The following GRM7 variants were observed in gnomAD, a reference collection of about 807,000 sequenced individuals.
The protein encoded by GRM7 is metabotropic glutamate receptor 7.
In GRM7, 35 loss-of-function variants were observed where a neutral mutation model predicts 84.5. The ratio of observed to expected loss-of-function variants is 0.41; its 90% CI spans 0.32 to 0.55. The LOEUF is 0.55. Among genes scored for constraint, GRM7 ranks in the 20% least tolerant of loss-of-function variants. The pLI is 0.19. For missense variants in GRM7, 1,003 were observed against 1,194.6 expected (o/e 0.84, Z 2.36); for synonymous variants, 487 against 455.1 (o/e 1.07, Z -0.89).
intron 7 of GRM7, among the ~76,000 whole-genome samples, chr3:7,504,411 A>T (rs1483966348): frequency 1.1e-4 from 16 of 152,226 alleles, no homozygotes; most frequent in Non-Finnish European, 1.5e-5. Flanking sequence ...ATCTTAGAGT[A>T]ATTCCTCTAT....
At chr3:7,681,862 C>CAAAATACTATATTGAG (rs1700381514) in intron 9 of GRM7, 1 of 152,162 alleles carries the variant, frequency 6.6e-6, no homozygotes, top group Admixed American at 6.5e-5. Flanking sequence ...AAGTGTATCA[C>CAAAATACTATATTGAG]AAAATACTAT....
chr3:7,567,593 A>G (rs1329295975), intron 7 of GRM7, among the ~76,000 whole-genome samples: 3 of 151,770 alleles, frequency 2.0e-5, no homozygotes, highest in African/African-American at 7.3e-5. Context: ...CTAAAAATAC[A>G]AAAATTAGCT....
chr3:7,041,161 A>T (rs1036026158), intron 1 of GRM7, among the ~76,000 whole-genome samples: 1 of 152,180 alleles, frequency 6.6e-6, no homozygotes. Context: ...CATAAAATTA[A>T]GCACAAATAA....
chr3:7,377,623 T>A (rs1276531408), intron 4 of GRM7, among the ~76,000 whole-genome samples: 2 of 152,160 alleles, frequency 1.3e-5, no homozygotes, highest in Non-Finnish European at 2.9e-5. Context: ...GAAAAACCAT[T>A]AAGGTGACCT....
chr3:7,633,531 G>T (rs1200182922), intron 8 of GRM7, among the ~76,000 whole-genome samples: 1 of 152,104 alleles, frequency 6.6e-6, no homozygotes, highest in Non-Finnish European at 1.5e-5. Context: ...GTGCATAGCG[G>T]GGTGTGTGTG....
intron 8 of GRM7, among the ~76,000 whole-genome samples, chr3:7,649,104 C>G (rs1210069335): frequency 6.6e-6 from 1 of 151,676 alleles, no homozygotes; most frequent in East Asian, 1.9e-4. Context: ...GAGTCTCGCT[C>G]TGTTGCCCAG....
At chr3:7,619,286 T>G (rs925206729) in intron 8 of GRM7, among the ~76,000 whole-genome samples, 2 of 152,114 alleles carry the variant, frequency 1.3e-5, no homozygotes, top group Admixed American at 1.3e-4. Context: ...TGGCCCTAAC[T>G]GATGAAATGG....
chr3:7,486,679 C>T lies in GRM7; in HGVS notation c.1515+24957C>T, dbSNP rs1414410273. Among the ~76,000 whole-genome samples the T allele has an allele frequency of 2.0e-5, 3 of 152,148 alleles. No individual in the cohort carries two copies. Among genetic ancestry groups the T allele is most frequent in the Admixed American group, 2.0e-4 (3 of 15,282 alleles). ...CAGAGCAGATGTTGGCACCATGCTT[C>T]TTGGACTTCCCAGCCACCAGAATGA... On this transcript the variant is annotated intron_variant, in intron 7 of 9. Transcript: ENST00000357716. This position sits in a 1 kb window ranked among gnomAD's most constrained non-coding sequence, Gnocchi z 5.5.
At chr3:7,656,545 G>GCACACACA (rs1288626812) in intron 8 of GRM7, among the ~76,000 whole-genome samples, 163 of 120,400 alleles carry the variant, frequency 1.4e-3, no homozygotes, top group South Asian at 6.7e-3. Context: ...ATATACGCGC[G>GCACACACA]CGCACACACA....
intron 1 of GRM7, among the ~76,000 whole-genome samples, chr3:6,870,077 C>CCT (rs1695072207): frequency 1.3e-5 from 2 of 151,690 alleles, no homozygotes; most frequent in African/African-American, 4.8e-5. Context: ...TCTCCTCCCT[C>CCT]CTCTCTCTCT....
intron 8 of GRM7, among the ~76,000 whole-genome samples, chr3:7,644,395 T>C (rs1698526685): frequency 1.5e-5 from 2 of 137,704 alleles, no homozygotes; most frequent in Admixed American, 1.5e-4. Flanking sequence ...TTTGCAGAAA[T>C]AGTTAGTTTT....
At chr3:7,038,029 A>G (rs1696443925) in intron 1 of GRM7, among the ~76,000 whole-genome samples, 1 of 152,186 alleles carries the variant, frequency 6.6e-6, no homozygotes. Context: ...AAATAGCATC[A>G]TTTCAGTCAA....
chr3:6,932,049 G>C (rs1028753464), intron 1 of GRM7, among the ~76,000 whole-genome samples: 1 of 152,172 alleles, frequency 6.6e-6, no homozygotes, highest in African/African-American at 2.4e-5. Context: ...GTTGGGTTTT[G>C]AAGAGTAAGA....
At chr3:7,311,499 T>G (rs756901977) in intron 4 of GRM7, among the ~76,000 whole-genome samples, 4 of 152,050 alleles carry the variant, frequency 2.6e-5, no homozygotes, top group Non-Finnish European at 5.9e-5. Flanking sequence ...CCATGTAAAG[T>G]CTTCTGTGGT....
intron 1 of GRM7, among the ~76,000 whole-genome samples, chr3:6,870,058 T>TCTCCACTCTCTCCTCCCTC (rs1695071291): frequency 6.6e-6 from 1 of 151,932 alleles, no homozygotes; most frequent in Non-Finnish European, 1.5e-5. Context: ...TTCTCTCCCT[T>TCTCCACTCTCTCCTCCCTC]CTCCACTCTC....
intron 5 of GRM7, among the ~76,000 whole-genome samples, chr3:7,430,474 C>T (rs1696781917): frequency 6.6e-6 from 1 of 152,324 alleles, no homozygotes; most frequent in Middle Eastern, 3.4e-3. Context: ...TAACATCTAA[C>T]ATCAGAGAAG....
chr3:7,599,829 G>T (rs760145850), intron 8 of GRM7, among the ~76,000 whole-genome samples: 1 of 152,010 alleles, frequency 6.6e-6, no homozygotes, highest in Non-Finnish European at 1.5e-5. Context: ...AAAATGGAAC[G>T]CTTGGTTTTC....
At chr3:7,560,796 T>A (rs1575494205) in intron 7 of GRM7, among the ~76,000 whole-genome samples, 1 of 152,166 alleles carries the variant, frequency 6.6e-6, no homozygotes, top group East Asian at 1.9e-4. Flanking sequence ...ATGGTTGCCT[T>A]CATGTAATTC....
chr3:7,233,196 T>C (rs1184304993), intron 2 of GRM7, among the ~76,000 whole-genome samples: 2 of 152,180 alleles, frequency 1.3e-5, no homozygotes, highest in Non-Finnish European at 2.9e-5. Flanking sequence ...AACTTTGTAA[T>C]TGAAGTTACA....
Sources: gnomAD v4.1 joint callset for allele counts (sites outside exome capture counted in the v4.1 genomes callset) on GRCh38, gnomAD v4.1.1 for gene constraint, Gnocchi (gnomAD v3.1) non-coding constraint, MANE v1.5 for transcripts, NCBI Gene and HGNC (gene_info 2026-07-23, HGNC 2026-07-21) for gene names.